The following TIAM1 variants were observed in gnomAD, a reference collection of about 807,000 sequenced individuals.
TIAM1 encodes TIAM Rac1 associated GEF 1.
In TIAM1, 65 loss-of-function variants were observed where a neutral mutation model predicts 163.5. The observed-to-expected ratio is 0.40, with a 90% confidence interval of 0.33 to 0.49. The LOEUF (loss-of-function observed/expected upper bound fraction) is 0.49. Among genes scored for constraint, TIAM1 ranks in the 20% least tolerant of loss-of-function variants. The pLI, the probability that TIAM1 is intolerant of heterozygous loss-of-function variation, is 0.77. For synonymous variants in TIAM1, 833 were observed against 810.1 expected (o/e 1.03, Z -0.48); for missense variants, 1,789 against 2,044.7 (o/e 0.87, Z 2.41).
chr21:31,326,894 C>A (rs1315304695), intron 2 of TIAM1, among the ~76,000 whole-genome samples: 6 of 152,190 alleles, frequency 3.9e-5, no homozygotes, highest in African/African-American at 1.4e-4. Flanking sequence ...GACGGGTATA[C>A]TAACATCTGT....
At chr21:31,439,414 C>T (rs1231409637) in intron 2 of TIAM1, among the ~76,000 whole-genome samples, 3 of 152,296 alleles carry the variant, frequency 2.0e-5, no homozygotes, top group African/African-American at 2.4e-5. Flanking sequence ...CTCAGCCTCC[C>T]GGGTAGCTGG....
chr21:31,161,738 AT>A (rs1231553535), intron 16 of TIAM1, among the ~76,000 whole-genome samples: 2 of 152,216 alleles, frequency 1.3e-5, no homozygotes, highest in African/African-American at 2.4e-5. Context: ...TTATTTACAC[AT>A]TTACATCTCT....
intron 2 of TIAM1, among the ~76,000 whole-genome samples, chr21:31,396,785 T>C (rs2077079478): frequency 6.6e-6 from 1 of 151,824 alleles, no homozygotes; most frequent in Non-Finnish European, 1.5e-5. Flanking sequence ...ACCCCACCTT[T>C]ACTAAAAATA....
chr21:31,398,502 T>C (rs1305859308), intron 2 of TIAM1, among the ~76,000 whole-genome samples: 14 of 152,248 alleles, frequency 9.2e-5, no homozygotes, highest in Non-Finnish European at 5.9e-5. Flanking sequence ...ACATCTTTTG[T>C]ATTCTCCATC....
chr21:31,552,783 A>G (rs2048737857), intron 1 of TIAM1, among the ~76,000 whole-genome samples: 1 of 152,182 alleles, frequency 6.6e-6, no homozygotes, highest in Admixed American at 6.5e-5. Context: ...AAAAGAAAAA[A>G]AGAGAGAGAA....
intron 2 of TIAM1, among the ~76,000 whole-genome samples, chr21:31,287,713 C>G (rs981925700): frequency 6.6e-6 from 1 of 152,068 alleles, no homozygotes; most frequent in Non-Finnish European, 1.5e-5. Context: ...GAGGCGAGTG[C>G]ATGGGAAAAA....
chr21:31,529,155 C>A (rs189787188), intron 1 of TIAM1, among the ~76,000 whole-genome samples: 11 of 151,636 alleles, frequency 7.3e-5, no homozygotes, highest in African/African-American at 1.7e-4. Flanking sequence ...TCCTGACCTC[C>A]TGATCTGCCC....
chr21:31,475,549 G>A (rs971323313), intron 1 of TIAM1, among the ~76,000 whole-genome samples: 19 of 152,134 alleles, frequency 1.2e-4, no homozygotes, highest in Non-Finnish European at 1.9e-4. Context: ...CAAAGCAAAC[G>A]CTACATTCTT....
chr21:31,261,014 G>A (rs2072438260), intron 4 of TIAM1, among the ~76,000 whole-genome samples: 1 of 152,182 alleles, frequency 6.6e-6, no homozygotes, highest in South Asian at 2.1e-4. Flanking sequence ...CTGAGTCATT[G>A]AAGCTCAGTT....
At chr21:31,486,459 G>A (rs1044859813) in intron 1 of TIAM1, among the ~76,000 whole-genome samples, 3 of 152,256 alleles carry the variant, frequency 2.0e-5, no homozygotes, top group South Asian at 2.1e-4. Flanking sequence ...CAAAGGGTGC[G>A]TCAGCACCTC....
chr21:31,383,485 T>C (rs996967960), intron 2 of TIAM1, among the ~76,000 whole-genome samples: 1 of 152,174 alleles, frequency 6.6e-6, no homozygotes, highest in African/African-American at 2.4e-5. Context: ...CAGGCACCTC[T>C]TCACACTTCA....
At chr21:31,404,276 A>G (rs757434653) in intron 2 of TIAM1, among the ~76,000 whole-genome samples, 1 of 152,206 alleles carries the variant, frequency 6.6e-6, no homozygotes, top group Non-Finnish European at 1.5e-5. Flanking sequence ...CAAGACCATA[A>G]ATGAAAATAA....
intron 1 of TIAM1, among the ~76,000 whole-genome samples, chr21:31,480,310 C>T (rs1164566035): frequency 6.6e-6 from 1 of 152,182 alleles, no homozygotes; most frequent in African/African-American, 2.4e-5. Flanking sequence ...GTGTCACTGG[C>T]CCACTTTGTT....
Position 31,118,894 on chromosome 21 carries a change from ACTCT to A in TIAM1, c.*1470_*1473del, listed in dbSNP as rs746679576. 1 of 293,398 alleles carries A rather than the reference ACTCT, an allele frequency of 3.4e-6. No homozygotes were observed. The highest frequency in any genetic ancestry group is 6.7e-6 in the Non-Finnish European group (1 of 149,778). The allele number at this position is 293,398 out of a possible 1,614,324, so 18.2% of individuals were successfully genotyped here. A position where few individuals can be genotyped will look rare whatever the true frequency, so the allele number is the denominator to read the frequency against. ...GAGGCACAAGAGCATGATGTACTGA[ACTCT>A]CTATTGTCTGGAAATATAAAGTCAT... On this transcript the variant is annotated 3_prime_UTR_variant, in exon 28 of 28. Coordinates refer to ENST00000541036, the MANE Select transcript of TIAM1 (RefSeq NM_001353694.2).
chr21:31,499,171 G>A (rs2147442170), intron 1 of TIAM1, among the ~76,000 whole-genome samples: 1 of 152,254 alleles, frequency 6.6e-6, no homozygotes, highest in East Asian at 1.9e-4. Context: ...CCAGTGGAGG[G>A]AGACAAACAC....
chr21:31,432,292 G>A (rs1420931256), intron 2 of TIAM1, among the ~76,000 whole-genome samples: 2 of 151,946 alleles, frequency 1.3e-5, no homozygotes, highest in African/African-American at 2.4e-5. Context: ...GTGGAGACAG[G>A]ATTTCACTAT....
chr21:31,337,828 C>T (rs931393045), intron 2 of TIAM1, among the ~76,000 whole-genome samples: 6 of 152,006 alleles, frequency 3.9e-5, no homozygotes, highest in African/African-American at 1.4e-4. Flanking sequence ...CCACACCCGG[C>T]CTATTATTAT....
chr21:31,373,864 C>T (rs748985886), intron 2 of TIAM1, among the ~76,000 whole-genome samples: 23 of 152,058 alleles, frequency 1.5e-4, no homozygotes, highest in Non-Finnish European at 2.9e-4. Flanking sequence ...TCCCTCTTAC[C>T]TGGTCGTTCC....
At chr21:31,222,688 T>C (rs1291393092) in intron 8 of TIAM1, among the ~76,000 whole-genome samples, 1 of 34,006 alleles carries the variant, frequency 2.9e-5, no homozygotes, top group African/African-American at 1.5e-4. Flanking sequence ...TATATATATA[T>C]ATATATATAT....
Sources: gnomAD v4.1 joint callset for allele counts (sites outside exome capture counted in the v4.1 genomes callset) on GRCh38, gnomAD v4.1.1 for gene constraint, MANE v1.5 for transcripts, NCBI Gene and HGNC (gene_info 2026-07-23, HGNC 2026-07-21) for gene names.